The following DDAH2 variants were observed in gnomAD, a reference collection of about 807,000 sequenced individuals.
The protein encoded by DDAH2 is putative hydrolase DDAH2.
Under a neutral mutation model 24.8 loss-of-function variants are expected in DDAH2, and 8 were observed. That is an observed-to-expected ratio of 0.32 (90% CI 0.19 to 0.58). The LOEUF (loss-of-function observed/expected upper bound fraction) is 0.58. Ranked by LOEUF, DDAH2 falls within the 20% of genes least tolerant of loss-of-function variation. The pLI is 0.87. For missense variants in DDAH2, 281 were observed against 379.0 expected (o/e 0.74, Z 2.15); for synonymous variants, 151 against 166.1 (o/e 0.91, Z 0.70).
At position 31,728,359 on chromosome 6, in the gene DDAH2, T is replaced by G. The variant is rs1807555972; in HGVS notation, c.472-67A>C. On this transcript the variant is annotated intron_variant, in intron 3 of 5. Coordinates refer to ENST00000375789, the MANE Select transcript of DDAH2 (RefSeq NM_001303007.2). This position sits in a 1 kb window ranked among gnomAD's most constrained non-coding sequence, Gnocchi z 9.8. ...TGATGGGGTATCTTCAAACATAGGC[T>G]GCTCTCTGCCTCTCATTTCCTCAGC... 44 of 1,608,830 alleles carry G rather than the reference T, an allele frequency of 2.7e-5. No individual in the cohort carries two copies. The South Asian group carries it at 4.8e-4, about 18-fold the overall frequency.
rs1197824892 is a variant in DDAH2 at position 31,728,151 on chromosome 6, G to A, written c.591+22C>T. 6.2e-7 allele frequency: 1 copy of A among 1,609,030 alleles called. No homozygotes were observed. Among genetic ancestry groups the A allele is most frequent in the East Asian group, 2.2e-5 (1 of 44,878 alleles). ...CGGGCCCAGAACTGCGCCCACTTTC[G>A]TTGGCCCCGCCCCCTCCTCACCCGG... On this transcript the variant is annotated intron_variant, in intron 4 of 5. Coordinates refer to ENST00000375789, the MANE Select transcript of DDAH2 (RefSeq NM_001303007.2). The surrounding 1 kb of genome is among the most constrained non-coding windows in gnomAD (Gnocchi z 9.8).
upstream of DDAH2, chr6:31,729,316 T>C: frequency 1.5e-6 from 1 of 653,278 alleles, no homozygotes; most frequent in Non-Finnish European, 2.6e-6. The surrounding 1 kb of genome is among the most constrained non-coding windows in gnomAD (Gnocchi z 6.7). Context: ...GTCTTCCTCC[T>C]GCCATCTCTA....
chr6:31,727,666 T>G lies in DDAH2; in HGVS notation c.618A>C (p.Pro206=). ...VRAMAVLTDH[P]YASLTLPDDA... Reference sequence around the variant, plus strand: ...CATCTGGGAGGGTCAGGGAGGCATATGGGTGATCTGTCAGCACTGCCATTG... The same window carrying G: ...CATCTGGGAGGGTCAGGGAGGCATAGGGGTGATCTGTCAGCACTGCCATTG... Residue 206 remains proline, a synonymous_variant, in exon 5 of 6, where the codon CCA becomes CCC. Coordinates refer to ENST00000375789, the MANE Select transcript of DDAH2 (RefSeq NM_001303007.2). The surrounding 1 kb of genome is among the most constrained non-coding windows in gnomAD (Gnocchi z 6.0). The G allele has an allele frequency of 6.2e-7, 1 of 1,610,148 alleles. No homozygotes were observed. Among genetic ancestry groups the G allele is most frequent in the East Asian group, 2.2e-5 (1 of 44,856 alleles).
chr6:31,728,057 G>T lies in DDAH2; in HGVS notation c.591+116C>A. 1 of 1,245,714 alleles carries T rather than the reference G, an allele frequency of 8.0e-7. No homozygotes were observed. The highest frequency in any genetic ancestry group is 1.1e-6 in the Non-Finnish European group (1 of 894,594). The allele number at this position is 1,245,714 out of a possible 1,614,324, so 77.2% of individuals were successfully genotyped here. A position where few individuals can be genotyped will look rare whatever the true frequency, so the allele number is the denominator to read the frequency against. On this transcript the variant is annotated intron_variant, in intron 4 of 5. Transcript: ENST00000375789. This position sits in a 1 kb window ranked among gnomAD's most constrained non-coding sequence, Gnocchi z 9.8. ...CTTATTTTCTCCTGTGTTCTTTCAT[G>T]TAAGATGGACAGCCCATTGAGGGCA...
Position 31,727,475 on chromosome 6 carries a change from CCCA to C in DDAH2, c.741+65_741+67del, listed in dbSNP as rs1807462947. On this transcript the variant is annotated intron_variant, in intron 5 of 5. Transcript: ENST00000375789. This position sits in a 1 kb window ranked among gnomAD's most constrained non-coding sequence, Gnocchi z 6.0. ...TCTAGAGAAGGTACCCTTCCTTCCT[CCCA>C]CTAGGAAAGCCTGAAACTCTTTTCT... is the stretch of plus-strand genomic sequence containing the variant. The C allele has an allele frequency of 2.5e-6, 4 of 1,610,514 alleles. No homozygotes were observed. Among genetic ancestry groups the C allele is most frequent in the Non-Finnish European group, 3.4e-6 (4 of 1,178,242 alleles).
In DDAH2 at chr6:31,728,366, T is replaced by G. The variant is rs1244488543; in HGVS notation, c.472-74A>C. 1.4e-5 allele frequency: 23 copies of G among 1,609,278 alleles called. No homozygotes were observed. Among genetic ancestry groups the G allele is most frequent in the Non-Finnish European group, 2.0e-5 (23 of 1,177,530 alleles). ...GTATCTTCAAACATAGGCTGCTCTC[T>G]GCCTCTCATTTCCTCAGCGGGCGCC... On this transcript the variant is annotated intron_variant, in intron 3 of 5. Transcript: ENST00000375789. The surrounding 1 kb of genome is among the most constrained non-coding windows in gnomAD (Gnocchi z 9.8).
Position 31,727,759 on chromosome 6 carries a change from C to T in DDAH2, c.592-67G>A, listed in dbSNP as rs1807492375. 6.7e-7 allele frequency: 1 copy of T among 1,502,882 alleles called. No individual in the cohort carries two copies. The highest frequency in any genetic ancestry group is 1.4e-5 in the African/African-American group (1 of 71,600). 93.1% of individuals were successfully genotyped at this position (1,502,882 alleles called of 1,614,324 possible). A position where few individuals can be genotyped will look rare whatever the true frequency, so the allele number is the denominator to read the frequency against. The stretch of plus-strand genomic sequence containing the variant: ...CAGCTGTGTCTGCCTGCTCAACCAC[C>T]ACTAAGGGCTGGGGACGGACTGACA... On this transcript the variant is annotated intron_variant, in intron 4 of 5. Transcript: ENST00000375789. This position sits in a 1 kb window ranked among gnomAD's most constrained non-coding sequence, Gnocchi z 6.0.
Position 31,729,175 on chromosome 6 carries a change from A to G in DDAH2, c.-14T>C. On this transcript the variant is annotated 5_prime_UTR_variant, in exon 1 of 6. Transcript: ENST00000375789. The surrounding 1 kb of genome is among the most constrained non-coding windows in gnomAD (Gnocchi z 6.7). ...CGGCGTCCCCATCCCATCCACACAGACTCCCCCTCCAACCGCTCGGATTTC... is the reference window on the plus strand; with the variant it reads ...CGGCGTCCCCATCCCATCCACACAGGCTCCCCCTCCAACCGCTCGGATTTC... 6.4e-7 allele frequency: 1 copy of G among 1,566,798 alleles called. No homozygotes were observed. Among genetic ancestry groups the G allele is most frequent in the Non-Finnish European group, 8.7e-7 (1 of 1,149,008 alleles).
chr6:31,728,736 C>T lies in DDAH2; in HGVS notation c.307G>A (p.Val103Ile). 1 of 1,612,994 alleles carries T rather than the reference C, an allele frequency of 6.2e-7. No individual in the cohort carries two copies. The highest frequency in any genetic ancestry group is 1.1e-5 in the South Asian group (1 of 91,086). ...CCCAGGTCTTGCAGGGCTTTGCGGACTCCATCGACCTTAGGATAGGAGAAG... is the reference window on the plus strand; with the variant it reads ...CCCAGGTCTTGCAGGGCTTTGCGGATTCCATCGACCTTAGGATAGGAGAAG... ...SPARRPEVDG[V>I]RKALQDLGLR... The change falls in exon 2 of 6, where the codon GTC becomes ATC. Residue 103 changes from valine (V) to isoleucine (I), a missense_variant. Transcript: ENST00000375789. The surrounding 1 kb of genome is among the most constrained non-coding windows in gnomAD (Gnocchi z 9.8).
chr6:31,728,530 T>C lies in DDAH2; in HGVS notation c.398-6A>G. On this transcript the variant is annotated splice_polypyrimidine_tract_variant and splice_region_variant and intron_variant, in intron 2 of 5. Transcript: ENST00000375789. This position sits in a 1 kb window ranked among gnomAD's most constrained non-coding sequence, Gnocchi z 9.8. ...GCCTACGAAAAACTCCCGGCCTGAG[T>C]CCGGGAGGCCGCGGAGGTTTGAGGG... 6.2e-7 allele frequency: 1 copy of C among 1,612,238 alleles called. No individual in the cohort carries two copies.
At position 31,728,287 on chromosome 6, in the gene DDAH2, G is replaced by A. The variant is rs1227256470; in HGVS notation, c.477C>T (p.Phe159=). ...CCGAGACTGGCACAGTGGAGACGGC[G>A]AAGTCCTAGGGAGAGCGAAGGGAGG... ...AEIVADTFRD[F]AVSTVPVSGP... Residue 159 remains phenylalanine, a synonymous_variant, in exon 4 of 6, where the codon TTC becomes TTT. Coordinates refer to ENST00000375789, the MANE Select transcript of DDAH2 (RefSeq NM_001303007.2). The surrounding 1 kb of genome is among the most constrained non-coding windows in gnomAD (Gnocchi z 9.8). 1.2e-6 allele frequency: 2 copies of A among 1,610,216 alleles called. No individual in the cohort carries two copies. Among genetic ancestry groups the A allele is most frequent in the South Asian group, 1.1e-5 (1 of 90,868 alleles).
rs1807653942 is a variant in DDAH2, at chr6:31,729,165, A to G, written c.-4T>C. 6.3e-7 allele frequency: 1 copy of G among 1,592,278 alleles called. No homozygotes were observed. The highest frequency in any genetic ancestry group is 1.1e-5 in the South Asian group (1 of 90,014). ...GCCCCTCCCCCGGCGTCCCCATCCC[A>G]TCCACACAGACTCCCCCTCCAACCG... On this transcript the variant is annotated 5_prime_UTR_variant, in exon 1 of 6. It removes an upstream start codon present in the reference 5' UTR. Transcript: ENST00000375789. The surrounding 1 kb of genome is among the most constrained non-coding windows in gnomAD (Gnocchi z 6.7).
At position 31,729,033 on chromosome 6, in the gene DDAH2, C is replaced by T. The variant is rs1807636467; in HGVS notation, c.129G>A (p.Arg43=). The change falls in exon 1 of 6, where the codon AGG becomes AGA. Residue 43 remains arginine, a synonymous_variant. Transcript: ENST00000375789. The surrounding 1 kb of genome is among the most constrained non-coding windows in gnomAD (Gnocchi z 6.7). The part of the protein sequence containing the change: ...LPALDLAKAQ[R]EHGVLGGKLR... ...GTTTACCTCCCAGCACCCCGTGCTCCCTTTGAGCTTTGGCCAGATCCAGAG... is the reference window on the plus strand; with the variant it reads ...GTTTACCTCCCAGCACCCCGTGCTCTCTTTGAGCTTTGGCCAGATCCAGAG... The T allele has an allele frequency of 1.2e-6, 2 of 1,612,952 alleles. No individual in the cohort carries two copies. The highest frequency in any genetic ancestry group is 1.7e-5 in the Admixed American group (1 of 60,004).
In DDAH2 at chr6:31,728,793, A is replaced by G. The variant is rs1349500779; in HGVS notation, c.298-48T>C. ...CGGAGCTGTGACACCCCCATCCTCA[A>G]TTCTTCCCCAAAGCCCCGACATCCA... On this transcript the variant is annotated intron_variant, in intron 1 of 5. Coordinates refer to ENST00000375789, the MANE Select transcript of DDAH2 (RefSeq NM_001303007.2). The surrounding 1 kb of genome is among the most constrained non-coding windows in gnomAD (Gnocchi z 9.8). 7.4e-6 allele frequency: 12 copies of G among 1,611,096 alleles called. No individual in the cohort carries two copies. The highest frequency in any genetic ancestry group is 1.3e-5 in the African/African-American group (1 of 74,802).
Position 31,727,436 on chromosome 6 carries a change from G to T in DDAH2, c.742-83C>A. The T allele has an allele frequency of 6.3e-7, 1 of 1,597,416 alleles. No individual in the cohort carries two copies. The highest frequency in any genetic ancestry group is 8.6e-7 in the Non-Finnish European group (1 of 1,168,138). Reference sequence around the variant, plus strand: ...CCACTCTTCCAGCCAGCTCAGAGTGGCCCCACCCAGGCTTCTAGAGAAGGT... The same window carrying T: ...CCACTCTTCCAGCCAGCTCAGAGTGTCCCCACCCAGGCTTCTAGAGAAGGT... On this transcript the variant is annotated intron_variant, in intron 5 of 5. Coordinates refer to ENST00000375789, the MANE Select transcript of DDAH2 (RefSeq NM_001303007.2). The surrounding 1 kb of genome is among the most constrained non-coding windows in gnomAD (Gnocchi z 6.0).
Position 31,727,780 on chromosome 6 carries a change from T to C in DDAH2, c.592-88A>G. 1 of 1,409,762 alleles carries C rather than the reference T, an allele frequency of 7.1e-7. No individual in the cohort carries two copies. The highest frequency in any genetic ancestry group is 9.6e-7 in the Non-Finnish European group (1 of 1,039,556). 87.3% of individuals were successfully genotyped at this position (1,409,762 alleles called of 1,614,324 possible). A position where few individuals can be genotyped will look rare whatever the true frequency, so the allele number is the denominator to read the frequency against. ...CCACCACTAAGGGCTGGGGACGGAC[T>C]GACATTTGTGGAAAATAATGACAGC... On this transcript the variant is annotated intron_variant, in intron 4 of 5. Transcript: ENST00000375789. This position sits in a 1 kb window ranked among gnomAD's most constrained non-coding sequence, Gnocchi z 6.0.
At position 31,727,761 on chromosome 6, in the gene DDAH2, C is replaced by A. The variant is rs1400780779; in HGVS notation, c.592-69G>T. On this transcript the variant is annotated intron_variant, in intron 4 of 5. Coordinates refer to ENST00000375789, the MANE Select transcript of DDAH2 (RefSeq NM_001303007.2). This position sits in a 1 kb window ranked among gnomAD's most constrained non-coding sequence, Gnocchi z 6.0. ...GCTGTGTCTGCCTGCTCAACCACCACTAAGGGCTGGGGACGGACTGACATT... is the reference window on the plus strand; with the variant it reads ...GCTGTGTCTGCCTGCTCAACCACCAATAAGGGCTGGGGACGGACTGACATT... 6.7e-7 allele frequency: 1 copy of A among 1,501,924 alleles called. No homozygotes were observed. The highest frequency in any genetic ancestry group is 8.9e-7 in the Non-Finnish European group (1 of 1,117,374). The allele number at this position is 1,501,924 out of a possible 1,614,324, so 93.0% of individuals were successfully genotyped here. A position where few individuals can be genotyped will look rare whatever the true frequency, so the allele number is the denominator to read the frequency against.
Position 31,729,087 on chromosome 6 carries a change from C to A in DDAH2, c.75G>T (p.Ser25=), listed in dbSNP as rs532560994. 9.9e-6 allele frequency: 16 copies of A among 1,613,042 alleles called. No individual in the cohort carries two copies. In the South Asian group the frequency reaches 1.5e-4, roughly 15 times the overall value. Residue 25 remains serine (S), a synonymous_variant, in exon 1 of 6, where the codon TCG becomes TCT. Coordinates refer to ENST00000375789, the MANE Select transcript of DDAH2 (RefSeq NM_001303007.2). This position sits in a 1 kb window ranked among gnomAD's most constrained non-coding sequence, Gnocchi z 6.7. The part of the protein sequence containing the change: ...LIRGVPESLA[S]GEGAGAGLPA... ...GAAGGCCAGCCCCCGCACCTTCCCC[C>A]GACGCCAGGCTCTCTGGGACTCCCC...
Position 31,728,126 on chromosome 6 carries a change from C to T in DDAH2, c.591+47G>A, listed in dbSNP as rs560669734. 3.1e-6 allele frequency: 5 copies of T among 1,600,370 alleles called. No individual in the cohort carries two copies. In the Admixed American group the frequency reaches 5.1e-5, roughly 16 times the overall value. ...CTAAGCCTCCCAGCTCCCGGCCTCC[C>T]GGGCCCAGAACTGCGCCCACTTTCG... On this transcript the variant is annotated intron_variant, in intron 4 of 5. Coordinates refer to ENST00000375789, the MANE Select transcript of DDAH2 (RefSeq NM_001303007.2). The surrounding 1 kb of genome is among the most constrained non-coding windows in gnomAD (Gnocchi z 9.8).
Sources: allele counts gnomAD v4.1 joint callset, GRCh38; gene constraint gnomAD v4.1.1; non-coding constraint Gnocchi (gnomAD v3.1); transcripts MANE v1.5; gene names NCBI Gene and HGNC (gene_info 2026-07-23, HGNC 2026-07-21).